FAM13A: variants seen among roughly 807,000 people sequenced by gnomAD.
The protein encoded by FAM13A is family with sequence similarity 13 member A.
FAM13A carries 76 observed loss-of-function variants against 129.6 expected under a neutral mutation model. That is an observed-to-expected ratio of 0.59 (90% confidence interval 0.49 to 0.71). The LOEUF (loss-of-function observed/expected upper bound fraction) is 0.71, where lower values mean the gene tolerates loss of function less well. Ranked by LOEUF, FAM13A falls within the 30% of genes least tolerant of loss-of-function variation. The pLI, the probability that FAM13A is intolerant of heterozygous loss-of-function variation, is 0.00. For missense variants in FAM13A, 1,108 were observed against 1,249.3 expected (o/e 0.89, Z 1.70); for synonymous variants, 443 against 449.9 (o/e 0.98, Z 0.20).
chr4:88,928,343 C>G (rs1346719304), intron 5 of FAM13A, among the ~76,000 whole-genome samples: 2 of 147,988 alleles, frequency 1.4e-5, no homozygotes, highest in Non-Finnish European at 3.1e-5. Flanking sequence ...CGAATGTCTG[C>G]TAAGTCCGTT....
chr4:88,767,309 A>C (rs954954032), intron 13 of FAM13A, among the ~76,000 whole-genome samples: 1 of 152,238 alleles, frequency 6.6e-6, no homozygotes, highest in Non-Finnish European at 1.5e-5. Flanking sequence ...AGAAAATCTA[A>C]AGAGAAATCC....
At chr4:88,925,567 AG>A (rs1027863836) in intron 5 of FAM13A, among the ~76,000 whole-genome samples, 1 of 62,842 alleles carries the variant, frequency 1.6e-5, no homozygotes, top group Non-Finnish European at 3.0e-5. Flanking sequence ...GGGTGGGGGG[AG>A]GGGGGAGGTA....
At chr4:88,986,619 C>T (rs68145450) in intron 4 of FAM13A, among the ~76,000 whole-genome samples, 7,163 of 152,304 alleles carry the variant, frequency 0.047, 239 homozygotes, top group South Asian at 0.071. Flanking sequence ...TAGGACAGTA[C>T]GGACTGCCCG....
At chr4:88,817,007 C>T (rs546922615) in intron 7 of FAM13A, among the ~76,000 whole-genome samples, 4 of 152,130 alleles carry the variant, frequency 2.6e-5, no homozygotes, top group South Asian at 2.1e-4. Context: ...AATGGATAAA[C>T]GAAATTTGCT....
intron 7 of FAM13A, among the ~76,000 whole-genome samples, chr4:88,836,717 T>C (rs1410611573): frequency 6.6e-6 from 1 of 152,132 alleles, no homozygotes; most frequent in East Asian, 1.9e-4. Context: ...CCCAGAACTT[T>C]GGGAGGCTGA....
intron 1 of FAM13A, among the ~76,000 whole-genome samples, chr4:89,048,151 G>A (rs765547877): frequency 3.3e-5 from 5 of 152,066 alleles, no homozygotes; most frequent in Non-Finnish European, 5.9e-5. Flanking sequence ...CAAAAGAAAT[G>A]AAAATCCATA....
In FAM13A at chr4:88,760,625, A is replaced by G; in HGVS notation, c.1579-1724T>C. Among the ~76,000 whole-genome samples the G allele has an allele frequency of 7.1e-5, 2 of 28,072 alleles. 1 individual carries two copies. Among genetic ancestry groups the G allele is most frequent in the South Asian group, 1.5e-3 (2 of 1,372 alleles). 18.4% of individuals were successfully genotyped at this position (28,072 alleles called of 152,430 possible). A position where few individuals can be genotyped will look rare whatever the true frequency, so the allele number is the denominator to read the frequency against. On this transcript the variant is annotated intron_variant, in intron 13 of 23. Transcript: ENST00000264344. ...TCTCAAAAAAAAAAAAAAAAAAAAAAAAAAAAAGAAATGCCAAGTATATCT... is the reference window on the plus strand; with the variant it reads ...TCTCAAAAAAAAAAAAAAAAAAAAAGAAAAAAAGAAATGCCAAGTATATCT...
chr4:89,042,487 T>C (rs1241381642), intron 1 of FAM13A, among the ~76,000 whole-genome samples: 1 of 152,210 alleles, frequency 6.6e-6, no homozygotes, highest in Non-Finnish European at 1.5e-5. Flanking sequence ...AAGCAGTTCG[T>C]AGATATCTTA....
At chr4:88,959,179 T>C (rs1183987007) in intron 4 of FAM13A, among the ~76,000 whole-genome samples, 1 of 152,242 alleles carries the variant, frequency 6.6e-6, no homozygotes, top group Non-Finnish European at 1.5e-5. Context: ...AATGTTGAAA[T>C]GAGTTAAGAC....
chr4:89,010,802 A>C (rs993437174), intron 3 of FAM13A, among the ~76,000 whole-genome samples: 9 of 151,986 alleles, frequency 5.9e-5, no homozygotes, highest in Admixed American at 3.3e-4. Flanking sequence ...TTCCTAACAC[A>C]GTTTCTCAGG....
At chr4:88,998,465 A>T (rs1291368906) in intron 3 of FAM13A, among the ~76,000 whole-genome samples, 3 of 152,208 alleles carry the variant, frequency 2.0e-5, no homozygotes, top group Non-Finnish European at 2.9e-5. Flanking sequence ...AGAGCAGCTA[A>T]CACCATGTCT....
At position 88,727,530 on chromosome 4, in the gene FAM13A, G is replaced by A. The variant is rs1257437754; in HGVS notation, c.*1003C>T. The A allele has an allele frequency of 6.6e-6, 1 of 151,472 alleles. No individual in the cohort carries two copies. The highest frequency in any genetic ancestry group is 1.5e-5 in the Non-Finnish European group (1 of 67,988). 9.4% of individuals were successfully genotyped at this position (151,472 alleles called of 1,614,324 possible). A position where few individuals can be genotyped will look rare whatever the true frequency, so the allele number is the denominator to read the frequency against. Reference sequence around the variant, plus strand: ...TTTACCTGTCAGTTTGGGGATTTTAGTGCAGATTTTTTTTAAAAAAATTAA... The same window carrying A: ...TTTACCTGTCAGTTTGGGGATTTTAATGCAGATTTTTTTTAAAAAAATTAA... On this transcript the variant is annotated 3_prime_UTR_variant, in exon 24 of 24. Coordinates refer to ENST00000264344, the MANE Select transcript of FAM13A (RefSeq NM_014883.4).
At chr4:88,821,116 A>G (rs569641722) in intron 7 of FAM13A, among the ~76,000 whole-genome samples, 6 of 152,354 alleles carry the variant, frequency 3.9e-5, no homozygotes, top group African/African-American at 1.4e-4. Flanking sequence ...TGAAGAAACA[A>G]TTACACGTAA....
At chr4:88,869,736 C>A (rs1369345102) in intron 6 of FAM13A, among the ~76,000 whole-genome samples, 1 of 152,174 alleles carries the variant, frequency 6.6e-6, no homozygotes, top group Non-Finnish European at 1.5e-5. Context: ...TATCTGAATT[C>A]TTGGATTCTA....
chr4:88,814,183 CAGGCTGA>C (rs1274909974), intron 7 of FAM13A, among the ~76,000 whole-genome samples: 1 of 152,148 alleles, frequency 6.6e-6, no homozygotes, highest in Non-Finnish European at 1.5e-5. Flanking sequence ...GGTTAATTAA[CAGGCTGA>C]AGGCCATAGA....
intron 4 of FAM13A, among the ~76,000 whole-genome samples, chr4:88,943,896 A>G (rs746305013): frequency 1.2e-4 from 18 of 152,002 alleles, no homozygotes; most frequent in Non-Finnish European, 1.9e-4. Context: ...TGAAGGACAC[A>G]TTTTTTTTCT....
intron 7 of FAM13A, among the ~76,000 whole-genome samples, chr4:88,840,498 C>A (rs964580052): frequency 3.9e-5 from 6 of 152,078 alleles, no homozygotes; most frequent in African/African-American, 1.2e-4. Flanking sequence ...TAGCCTCCAA[C>A]ATAGCCCTTG....
intron 3 of FAM13A, among the ~76,000 whole-genome samples, chr4:89,017,664 C>T (rs867064404): frequency 4.6e-5 from 7 of 151,978 alleles, no homozygotes; most frequent in African/African-American, 1.4e-4. Flanking sequence ...ATAAAATATT[C>T]GTCAACTCCT....
At chr4:88,764,277 T>C (rs977400412) in intron 13 of FAM13A, among the ~76,000 whole-genome samples, 1 of 152,134 alleles carries the variant, frequency 6.6e-6, no homozygotes, top group South Asian at 2.1e-4. Flanking sequence ...TTAGAAAGCA[T>C]AAAGAATGTA....
Sources: gnomAD v4.1 joint callset for allele counts (sites outside exome capture counted in the v4.1 genomes callset) on GRCh38, gnomAD v4.1.1 for gene constraint, MANE v1.5 for transcripts, NCBI Gene and HGNC (gene_info 2026-07-23, HGNC 2026-07-21) for gene names.